TYW3: variants seen among roughly 807,000 people sequenced by gnomAD.
TYW3 encodes tRNA wybutosine-synthesizing protein 3 homolog.
A neutral mutation model predicts 23.1 loss-of-function variants in TYW3; 26 were observed. That is an observed-to-expected ratio of 1.13 (90% CI 0.83 to 1.56). The LOEUF is 1.56. Among genes scored for constraint, TYW3 ranks in the 40% most tolerant of loss-of-function variants. The pLI, the probability that TYW3 is intolerant of heterozygous loss-of-function variation, is 0.00. For synonymous variants in TYW3, 102 were observed against 105.7 expected (o/e 0.97, Z 0.21); for missense variants, 316 against 311.9 (o/e 1.01, Z -0.10).
chr1:74,744,824 T>C (rs1648500282), intron 3 of TYW3, among the ~76,000 whole-genome samples: 1 of 152,210 alleles, frequency 6.6e-6, no homozygotes, highest in Non-Finnish European at 1.5e-5. Flanking sequence ...TTCTTGTGGG[T>C]TCATGGTCTT....
chr1:74,761,453 A>G (rs1161308718), intron 5 of TYW3, among the ~76,000 whole-genome samples: 2 of 151,998 alleles, frequency 1.3e-5, no homozygotes, highest in Non-Finnish European at 2.9e-5. Context: ...GAGCAATTTA[A>G]TCTTATCTTT....
At chr1:74,760,019 G>C (rs1187093861) in intron 5 of TYW3, among the ~76,000 whole-genome samples, 1 of 152,134 alleles carries the variant, frequency 6.6e-6, no homozygotes, top group African/African-American at 2.4e-5. Context: ...CATAACATAA[G>C]CAGTTGATTA....
chr1:74,746,058 T>G (rs912615148), intron 3 of TYW3, among the ~76,000 whole-genome samples: 2 of 152,232 alleles, frequency 1.3e-5, no homozygotes, highest in African/African-American at 2.4e-5. Context: ...AACATATGAA[T>G]TTTGAAGCCC....
At chr1:74,757,245 A>G (rs2100775008) in intron 5 of TYW3, among the ~76,000 whole-genome samples, 1 of 152,246 alleles carries the variant, frequency 6.6e-6, no homozygotes, top group Non-Finnish European at 1.5e-5. Flanking sequence ...TCCAGACCCC[A>G]GAATGATAGA....
chr1:74,736,512 A>G, intron 1 of TYW3, 30 bp from the exon 2 acceptor site: 1 of 1,509,872 alleles, frequency 6.6e-7, no homozygotes, highest in Non-Finnish European at 9.0e-7. Flanking sequence ...ATATTATATG[A>G]AACTTAAATT....
chr1:74,754,721 C>A (rs370940309), intron 5 of TYW3, among the ~76,000 whole-genome samples: 3 of 151,980 alleles, frequency 2.0e-5, no homozygotes, highest in East Asian at 1.9e-4. Flanking sequence ...AAAAAAAAGG[C>A]CTTGTTCATG....
At chr1:74,740,909 C>T (rs969163709) in intron 3 of TYW3, among the ~76,000 whole-genome samples, 30 of 152,230 alleles carry the variant, frequency 2.0e-4, no homozygotes, top group African/African-American at 7.0e-4. Flanking sequence ...CAGCTGGCTT[C>T]ATCTCTCAAT....
Position 74,763,907 on chromosome 1 carries a change from C to T in TYW3, c.574C>T (p.Leu192=). ...ATTTCTTCACAGGTTTTACAACTGCCTACAGCATGCTTTGGAAAGGGAAAC... is the reference window on the plus strand; with the variant it reads ...ATTTCTTCACAGGTTTTACAACTGCTTACAGCATGCTTTGGAAAGGGAAAC... ...KKRIERFYNC[L]QHALERETMT... is the part of the protein sequence containing the mutation. Residue 192 remains leucine (L), a synonymous_variant, in exon 6 of 6, where the codon CTA becomes TTA. Transcript: ENST00000370867. 6.2e-7 allele frequency: 1 copy of T among 1,600,320 alleles called. No homozygotes were observed. The highest frequency in any genetic ancestry group is 1.8e-4 in the Middle Eastern group (1 of 5,550).
chr1:74,759,169 A>C (rs1047618646), intron 5 of TYW3, among the ~76,000 whole-genome samples: 3 of 152,160 alleles, frequency 2.0e-5, no homozygotes, highest in Admixed American at 6.5e-5. Flanking sequence ...GGGTGAGTAC[A>C]AGTAGGCTCT....
intron 5 of TYW3, among the ~76,000 whole-genome samples, chr1:74,759,946 CAT>C (rs369877295): frequency 2.0e-5 from 3 of 152,276 alleles, no homozygotes; most frequent in Non-Finnish European, 2.9e-5. Flanking sequence ...ACCTGGCTGA[CAT>C]ATGACTTGAC....
At position 74,733,308 on chromosome 1, in the gene TYW3, C is replaced by T. The variant is rs1159805312; in HGVS notation, c.64C>T (p.Arg22Trp). Residue 22 changes from arginine to tryptophan, a missense_variant, in exon 1 of 6, where the codon CGG becomes TGG. Transcript: ENST00000370867. ...AQCLSKADLS[R>W]KGSVDEDVVE... ...ATGTTTGAGCAAAGCGGACCTCAGC[C>T]GGAAGGGCAGTGTTGACGAGGATGT... is the stretch of plus-strand genomic sequence containing the variant. 6 of 1,614,072 alleles carry T rather than the reference C, an allele frequency of 3.7e-6. No homozygotes were observed. The highest frequency in any genetic ancestry group is 2.7e-5 in the African/African-American group (2 of 74,918).
intron 5 of TYW3, 45 bp from the exon 6 acceptor site, chr1:74,763,849 G>T (rs575190201): frequency 6.8e-7 from 1 of 1,475,668 alleles, no homozygotes. Flanking sequence ...CAGTCATTTC[G>T]TTTCAGTACA....
chr1:74,740,104 G>A (rs545936829), intron 3 of TYW3, among the ~76,000 whole-genome samples: 7 of 152,328 alleles, frequency 4.6e-5, no homozygotes, highest in South Asian at 2.1e-4. Context: ...GTGGACCCTC[G>A]CAGTGAGTGT....
intron 5 of TYW3, among the ~76,000 whole-genome samples, chr1:74,763,376 C>T (rs1477120876): frequency 6.6e-6 from 1 of 152,116 alleles, no homozygotes; most frequent in Non-Finnish European, 1.5e-5. Context: ...GTTGTACTGC[C>T]ACTCTCAATA....
intron 5 of TYW3, chr1:74,761,672 T>C (rs557570784): frequency 6.6e-6 from 1 of 152,184 alleles, no homozygotes; most frequent in African/African-American, 2.4e-5. Flanking sequence ...GTGTGGAACA[T>C]GAGAAGGATA....
At chr1:74,740,801 C>T (rs768823045) in intron 3 of TYW3, among the ~76,000 whole-genome samples, 7 of 152,298 alleles carry the variant, frequency 4.6e-5, no homozygotes, top group East Asian at 1.9e-4. Flanking sequence ...ACACACAGAG[C>T]GCTAATTGGT....
intron 5 of TYW3, among the ~76,000 whole-genome samples, chr1:74,762,721 G>C (rs1035639386): frequency 6.6e-6 from 1 of 152,100 alleles, no homozygotes; most frequent in Admixed American, 6.6e-5. Flanking sequence ...TTATAAATGT[G>C]AAAAATCAAG....
At chr1:74,744,429 A>T (rs1004349605) in intron 3 of TYW3, among the ~76,000 whole-genome samples, 3 of 152,210 alleles carry the variant, frequency 2.0e-5, no homozygotes, top group African/African-American at 7.2e-5. Context: ...TTGCGGGTCA[A>T]ATTGGTCCCA....
chr1:74,764,258 T>G lies in TYW3; in HGVS notation c.*145T>G, dbSNP rs1179759097. 1 of 676,866 alleles carries G rather than the reference T, an allele frequency of 1.5e-6. No homozygotes were observed. The highest frequency in any genetic ancestry group is 2.4e-6 in the Non-Finnish European group (1 of 418,022). The allele number at this position is 676,866 out of a possible 1,614,324, so 41.9% of individuals were successfully genotyped here. ...GCAGAGCTTCAAACTATAACTTTGT[T>G]GCCCAGAGGATGTGCAGTTGTCATC... On this transcript the variant is annotated 3_prime_UTR_variant, in exon 6 of 6. Coordinates refer to ENST00000370867, the MANE Select transcript of TYW3 (RefSeq NM_138467.3).
Sources: allele counts gnomAD v4.1 joint callset (sites outside exome capture counted in the v4.1 genomes callset), GRCh38; gene constraint gnomAD v4.1.1; transcripts MANE v1.5; gene names NCBI Gene and HGNC (gene_info 2026-07-23, HGNC 2026-07-21).